The following AUH variants were observed in gnomAD, a reference collection of about 807,000 sequenced individuals.
AUH encodes the protein methylglutaconyl-CoA hydratase, mitochondrial.
Under a neutral mutation model 42.3 loss-of-function variants are expected in AUH, and 29 were observed. The ratio of observed to expected loss-of-function variants is 0.69; its 90% CI spans 0.51 to 0.93. The LOEUF is 0.93. AUH is among the 40% of genes least tolerant of loss of function. The pLI is 0.00. For missense variants in AUH, 452 were observed against 438.1 expected, an observed-to-expected ratio of 1.03 and a Z score of -0.28; for synonymous variants, 174 against 166.4, an observed-to-expected ratio of 1.05 and a Z score of -0.35.
At chr9:91,314,141 G>C (rs1391092071) in intron 4 of AUH, among the ~76,000 whole-genome samples, 1 of 152,024 alleles carries the variant, frequency 6.6e-6, no homozygotes, top group Admixed American at 6.6e-5. Context: ...CATTTTGTTA[G>C]ACATGCAAAA....
intron 6 of AUH, among the ~76,000 whole-genome samples, chr9:91,261,388 T>C (rs1441097918): frequency 1.3e-5 from 2 of 152,212 alleles, no homozygotes; most frequent in South Asian, 4.1e-4. Flanking sequence ...GGTTTCTACT[T>C]TCTTCAGGGT....
At chr9:91,223,018 T>C (rs1486726800) in intron 6 of AUH, among the ~76,000 whole-genome samples, 3 of 152,230 alleles carry the variant, frequency 2.0e-5, no homozygotes, top group African/African-American at 7.2e-5. Flanking sequence ...GTAATGGTCA[T>C]GTAGGTGGTA....
intron 4 of AUH, 30 bp from the exon 5 acceptor site, chr9:91,298,106 TTAA>T (rs768613721): frequency 6.6e-7 from 1 of 1,507,008 alleles, no homozygotes; most frequent in Admixed American, 1.7e-5. Context: ...TTATGCTTCC[TTAA>T]TAAGATTATT....
intron 8 of AUH, 127 bp from the exon 9 acceptor site, chr9:91,216,233 A>G: frequency 1.1e-6 from 1 of 943,790 alleles, no homozygotes; most frequent in Non-Finnish European, 1.7e-6. Flanking sequence ...ACAGCAGATC[A>G]GAGTGTGACC....
intron 3 of AUH, among the ~76,000 whole-genome samples, chr9:91,334,509 T>A (rs1315549477): frequency 2.1e-5 from 2 of 94,650 alleles, no homozygotes; most frequent in Non-Finnish European, 4.4e-5. Context: ...CCCATGAATC[T>A]CAGGCCTTTG....
intron 6 of AUH, among the ~76,000 whole-genome samples, chr9:91,284,829 T>A (rs1230150127): frequency 1.3e-5 from 2 of 152,142 alleles, no homozygotes; most frequent in Non-Finnish European, 2.9e-5. Flanking sequence ...GGAGAGGATG[T>A]GGAGAAATAG....
chr9:91,260,256 T>C (rs1227218247), intron 6 of AUH, among the ~76,000 whole-genome samples: 1 of 152,310 alleles, frequency 6.6e-6, no homozygotes, highest in South Asian at 2.1e-4. Context: ...ATAAACAGCA[T>C]GCCATTGAAT....
At chr9:91,277,794 G>A (rs1044201940) in intron 6 of AUH, among the ~76,000 whole-genome samples, 1 of 152,038 alleles carries the variant, frequency 6.6e-6, no homozygotes, top group Non-Finnish European at 1.5e-5. Context: ...TTCCAACTAT[G>A]ATTCTGATTT....
Position 91,247,754 on chromosome 9 carries a change from C to T in AUH, c.656-26762G>A, listed in dbSNP as rs766253809. Among the ~76,000 whole-genome samples the T allele has an allele frequency of 2.0e-4, 30 of 152,178 alleles. 1 individual carries two copies. Among genetic ancestry groups the T allele is most frequent in the African/African-American group, 2.9e-4 (12 of 41,432 alleles). ...CATCGTGGTTTTAATTTGTATTTCCCTAAAGACTACTGATGTAGAGCATCT... is the reference window on the plus strand; with the variant it reads ...CATCGTGGTTTTAATTTGTATTTCCTTAAAGACTACTGATGTAGAGCATCT... On this transcript the variant is annotated intron_variant, in intron 6 of 9. Transcript: ENST00000375731.
intron 6 of AUH, among the ~76,000 whole-genome samples, chr9:91,284,329 C>T (rs980521213): frequency 2.0e-5 from 3 of 152,146 alleles, no homozygotes; most frequent in African/African-American, 7.2e-5. Context: ...GGATTAAAGA[C>T]TTAAATGTTA....
At chr9:91,232,545 C>A (rs1380429711) in intron 6 of AUH, among the ~76,000 whole-genome samples, 1 of 152,152 alleles carries the variant, frequency 6.6e-6, no homozygotes, top group African/African-American at 2.4e-5. Context: ...GCCATTTCAA[C>A]ACCCCACCAG....
At chr9:91,236,912 C>G (rs61501242) in intron 6 of AUH, among the ~76,000 whole-genome samples, 3,193 of 152,150 alleles carry the variant, frequency 0.021, 98 homozygotes, top group African/African-American at 0.065. Context: ...ATCAATTTCC[C>G]CACAAATCGA....
At chr9:91,352,969 G>C (rs1322375633) in intron 3 of AUH, among the ~76,000 whole-genome samples, 2 of 152,158 alleles carry the variant, frequency 1.3e-5, no homozygotes. Context: ...CTGGAATACA[G>C]TATTAATATA....
chr9:91,346,319 T>A (rs1002954022), intron 3 of AUH, among the ~76,000 whole-genome samples: 1 of 152,060 alleles, frequency 6.6e-6, no homozygotes, highest in African/African-American at 2.4e-5. Flanking sequence ...TCAATCATTA[T>A]GTAAAGAGGC....
intron 6 of AUH, among the ~76,000 whole-genome samples, chr9:91,282,784 G>C (rs987711115): frequency 3.9e-5 from 6 of 152,104 alleles, no homozygotes; most frequent in Admixed American, 2.6e-4. Flanking sequence ...TCCCTGAATA[G>C]ACCAATAACA....
Position 91,217,290 on chromosome 9 carries a change from T to A in AUH, c.881A>T (p.Asn294Ile), listed in dbSNP as rs1049752683. 6.2e-7 allele frequency: 1 copy of A among 1,613,904 alleles called. No individual in the cohort carries two copies. Among genetic ancestry groups the A allele is most frequent in the Non-Finnish European group, 8.5e-7 (1 of 1,179,848 alleles). The stretch of plus-strand genomic sequence containing the variant: ...TAAGGAACCTACCTCCATCCCTTGA[T>A]TAATTGCTAATTTTGCCACTCTCAT... ...VAMRVAKLAI[N>I]QGMEVDLVTG... is the part of the protein sequence containing the mutation. The change falls in exon 8 of 10, where the codon AAT (asparagine) becomes ATT (isoleucine). Residue 294 changes from asparagine to isoleucine, a missense_variant. Transcript: ENST00000375731.
At chr9:91,304,958 G>A (rs1390285717) in intron 4 of AUH, among the ~76,000 whole-genome samples, 4 of 152,124 alleles carry the variant, frequency 2.6e-5, no homozygotes, top group African/African-American at 9.7e-5. Flanking sequence ...ATGGTCAACT[G>A]CAGTTTGAAA....
chr9:91,337,560 A>G (rs1420850485), intron 3 of AUH, among the ~76,000 whole-genome samples: 1 of 152,188 alleles, frequency 6.6e-6, no homozygotes, highest in African/African-American at 2.4e-5. Flanking sequence ...TTCTTTCAAG[A>G]AAGTCATGCA....
chr9:91,305,978 C>T (rs1316240804), intron 4 of AUH, among the ~76,000 whole-genome samples: 7 of 152,218 alleles, frequency 4.6e-5, no homozygotes, highest in African/African-American at 1.7e-4. Flanking sequence ...ATAGGAAGCC[C>T]GACAGCACAC....
Sources: gnomAD v4.1 joint callset for allele counts (sites outside exome capture counted in the v4.1 genomes callset) on GRCh38, gnomAD v4.1.1 for gene constraint, MANE v1.5 for transcripts, NCBI Gene and HGNC (gene_info 2026-07-23, HGNC 2026-07-21) for gene names.